The following SKAP2 variants were observed in gnomAD, a reference collection of about 807,000 sequenced individuals.
The protein encoded by SKAP2 is src kinase-associated phosphoprotein 2.
In SKAP2, 28 loss-of-function variants were observed where a neutral mutation model predicts 54.9. The observed-to-expected ratio is 0.51, with a 90% confidence interval of 0.38 to 0.70. The LOEUF (loss-of-function observed/expected upper bound fraction) is 0.70, where lower values mean the gene tolerates loss of function less well. SKAP2 is among the 30% of genes least tolerant of loss of function. SKAP2 has a pLI of 0.00. For missense variants in SKAP2, 356 were observed against 424.1 expected, an observed-to-expected ratio of 0.84 and a Z score of 1.41; for synonymous variants, 137 against 134.3, an observed-to-expected ratio of 1.02 and a Z score of -0.14.
In SKAP2 at chr7:26,770,102, T is replaced by A. The variant is rs112658855; in HGVS notation, c.308-30138A>T. ...ATCCCAGGGAGATGGGAGAGTTTTA[T>A]CTATAAGCCCCTGACTGAGGCTGCT... On this transcript the variant is annotated intron_variant, in intron 4 of 12. Coordinates refer to ENST00000345317, the MANE Select transcript of SKAP2 (RefSeq NM_003930.5). Among the ~76,000 whole-genome samples the A allele has an allele frequency of 1.9e-3, 282 of 152,266 alleles. 2 individuals carry two copies. The highest frequency in any genetic ancestry group is 6.4e-3 in the African/African-American group (267 of 41,554).
At chr7:26,848,511 C>T (rs1584425086) in intron 3 of SKAP2, among the ~76,000 whole-genome samples, 1 of 94,342 alleles carries the variant, frequency 1.1e-5, no homozygotes, top group African/African-American at 3.6e-5. Context: ...TAGGTTCCGT[C>T]CCCCAAGATA....
At chr7:26,664,368 TATC>T (rs1197668574), downstream of SKAP2, among the ~76,000 whole-genome samples, 3 of 152,174 alleles carry the variant, frequency 2.0e-5, no homozygotes, top group East Asian at 1.9e-4. Context: ...CTTAAACTGT[TATC>T]ATCACATTTG....
At chr7:26,799,333 A>G (rs1783860476) in intron 4 of SKAP2, among the ~76,000 whole-genome samples, 1 of 152,192 alleles carries the variant, frequency 6.6e-6, no homozygotes, top group Admixed American at 6.5e-5. Context: ...CATTTCACCT[A>G]TAAGCACACA....
chr7:26,768,625 C>T (rs9648333), intron 4 of SKAP2, among the ~76,000 whole-genome samples: 12,908 of 152,142 alleles, frequency 0.085, 610 homozygotes, highest in Middle Eastern at 0.16. Flanking sequence ...TTAATGCTTC[C>T]TTCAGGAGCT....
intron 4 of SKAP2, among the ~76,000 whole-genome samples, chr7:26,835,685 AAGAG>A (rs139377078): frequency 0.21 from 32,041 of 152,022 alleles, 3,422 homozygotes; most frequent in Non-Finnish European, 0.23. Context: ...TCAAGGAAAT[AAGAG>A]AGAACACATA....
intron 9 of SKAP2, among the ~76,000 whole-genome samples, chr7:26,704,066 T>C (rs1787106958): frequency 6.6e-6 from 1 of 152,232 alleles, no homozygotes; most frequent in African/African-American, 2.4e-5. Flanking sequence ...TGATGTCATA[T>C]TGACATATAT....
In SKAP2 at chr7:26,864,537, C is replaced by A; in HGVS notation, c.-108G>T. The A allele has an allele frequency of 6.8e-7, 1 of 1,469,846 alleles. No individual in the cohort carries two copies. Among genetic ancestry groups the A allele is most frequent in the South Asian group, 1.4e-5 (1 of 72,814 alleles). The allele number at this position is 1,469,846 out of a possible 1,614,324, so 91.1% of individuals were successfully genotyped here. A position where few individuals can be genotyped will look rare whatever the true frequency, so the allele number is the denominator to read the frequency against. The stretch of plus-strand genomic sequence containing the variant: ...TCAGGCTAGCGGCCCGGATTAAGAA[C>A]AGCGGGGCTACGAGTCGGGACACTG... On this transcript the variant is annotated 5_prime_UTR_variant, in exon 1 of 13. Transcript: ENST00000345317.
At chr7:26,785,331 C>T (rs899348880) in intron 4 of SKAP2, among the ~76,000 whole-genome samples, 4 of 152,140 alleles carry the variant, frequency 2.6e-5, no homozygotes, top group African/African-American at 7.2e-5. Flanking sequence ...GGACTACAGG[C>T]GCCCGCCACC....
chr7:26,819,629 A>C (rs1009075969), intron 4 of SKAP2, among the ~76,000 whole-genome samples: 14 of 152,016 alleles, frequency 9.2e-5, no homozygotes, highest in African/African-American at 3.4e-4. Flanking sequence ...CAAGACAAAA[A>C]CCACTTTAAC....
chr7:26,857,719 C>T, intron 1 of SKAP2: 1 of 985,404 alleles, frequency 1.0e-6, no homozygotes, highest in Non-Finnish European at 1.2e-6. Context: ...CCTCACTAGA[C>T]AAATGGGGCT....
intron 9 of SKAP2, among the ~76,000 whole-genome samples, chr7:26,721,661 C>T (rs1173591374): frequency 6.6e-6 from 1 of 152,168 alleles, no homozygotes; most frequent in Admixed American, 6.5e-5. Flanking sequence ...TGCAATCCCT[C>T]TGAAAGCTAC....
At chr7:26,788,821 T>TGC (rs949322347) in intron 4 of SKAP2, among the ~76,000 whole-genome samples, 11 of 150,890 alleles carry the variant, frequency 7.3e-5, no homozygotes, top group African/African-American at 2.0e-4. Context: ...GATACACACG[T>TGC]GCGCACACAC....
At chr7:26,821,807 C>G (rs1157393080) in intron 4 of SKAP2, among the ~76,000 whole-genome samples, 1 of 152,038 alleles carries the variant, frequency 6.6e-6, no homozygotes, top group Non-Finnish European at 1.5e-5. Context: ...CCCCTTTGTC[C>G]CACCCATCAA....
At chr7:26,764,802 C>T (rs1030560136) in intron 4 of SKAP2, among the ~76,000 whole-genome samples, 17 of 152,104 alleles carry the variant, frequency 1.1e-4, no homozygotes, top group African/African-American at 3.1e-4. Context: ...CCGCCCACCT[C>T]GGCCTCCCAA....
intron 4 of SKAP2, among the ~76,000 whole-genome samples, chr7:26,795,275 A>G (rs1207009607): frequency 6.6e-6 from 1 of 152,212 alleles, no homozygotes; most frequent in African/African-American, 2.4e-5. Context: ...AGAATGTGAA[A>G]GATCCAGATG....
intron 4 of SKAP2, among the ~76,000 whole-genome samples, chr7:26,839,205 C>T (rs1784771091): frequency 1.3e-5 from 2 of 152,036 alleles, no homozygotes; most frequent in Admixed American, 6.6e-5. Flanking sequence ...CTTTGTATCA[C>T]AAAAATATTT....
intron 9 of SKAP2, among the ~76,000 whole-genome samples, chr7:26,716,285 G>A (rs192677923): frequency 1.2e-4 from 18 of 152,058 alleles, no homozygotes; most frequent in East Asian, 3.9e-4. Context: ...ATATGTTTTC[G>A]TGTTATAGAT....
At chr7:26,685,015 T>C (rs1273886389) in intron 10 of SKAP2, among the ~76,000 whole-genome samples, 167 bp from the exon 11 acceptor site, 1 of 152,216 alleles carries the variant, frequency 6.6e-6, no homozygotes, top group African/African-American at 2.4e-5. Flanking sequence ...ATCCTACGTC[T>C]CACTATCCTC....
At chr7:26,732,156 A>C (rs990112178) in intron 6 of SKAP2, among the ~76,000 whole-genome samples, 1 of 152,202 alleles carries the variant, frequency 6.6e-6, no homozygotes, top group Non-Finnish European at 1.5e-5. Flanking sequence ...GTTCCAACTT[A>C]ATCAAAGTGG....
Sources: gnomAD v4.1 joint callset for allele counts (sites outside exome capture counted in the v4.1 genomes callset) on GRCh38, gnomAD v4.1.1 for gene constraint, MANE v1.5 for transcripts, NCBI Gene and HGNC (gene_info 2026-07-23, HGNC 2026-07-21) for gene names.